The following CTNND2 variants were observed in gnomAD, a reference collection of about 807,000 sequenced individuals.
CTNND2 encodes the protein catenin delta-2.
Under a neutral mutation model 144.4 loss-of-function variants are expected in CTNND2, and 22 were observed. That is an observed-to-expected ratio of 0.15 (90% CI 0.11 to 0.22). The LOEUF is 0.22. Among genes scored for constraint, CTNND2 ranks in the 10% least tolerant of loss-of-function variants. The probability of loss-of-function intolerance (pLI) is 1.00; values close to 1 mark genes in which losing one functional copy is unlikely to be tolerated. For synonymous variants in CTNND2, 751 were observed against 695.6 expected (o/e 1.08, Z -1.25); for missense variants, 1,353 against 1,618.8 (o/e 0.84, Z 2.82).
intron 3 of CTNND2, among the ~76,000 whole-genome samples, chr5:11,538,284 T>C (rs1331148292): frequency 6.6e-6 from 1 of 152,214 alleles, no homozygotes; most frequent in East Asian, 1.9e-4. Flanking sequence ...GAATAAGGTA[T>C]GGGTCTTTGC....
intron 9 of CTNND2, among the ~76,000 whole-genome samples, chr5:11,331,895 T>A (rs1195299242): frequency 1.3e-5 from 2 of 152,186 alleles, no homozygotes; most frequent in African/African-American, 4.8e-5. Flanking sequence ...TATGGTATAT[T>A]TCAAAATAAC....
chr5:11,794,646 G>A (rs1002179541), intron 1 of CTNND2, among the ~76,000 whole-genome samples: 5 of 152,214 alleles, frequency 3.3e-5, no homozygotes, highest in Admixed American at 3.3e-4. Context: ...CAACAGGACT[G>A]TAAGATGATT....
intron 11 of CTNND2, among the ~76,000 whole-genome samples, chr5:11,189,408 C>A (rs888558619): frequency 6.6e-6 from 1 of 152,136 alleles, no homozygotes; most frequent in South Asian, 2.1e-4. Context: ...TCCACTTCTG[C>A]CACCCCTGAG....
At position 11,187,211 on chromosome 5, in the gene CTNND2, T is replaced by C. The variant is rs144938474; in HGVS notation, c.1975+12237A>G. 2.2e-3 allele frequency among the ~76,000 whole-genome samples: 336 copies of C among 152,308 alleles called. 2 individuals are homozygous for C. The highest frequency in any genetic ancestry group is 7.6e-3 in the African/African-American group (315 of 41,578). On this transcript the variant is annotated intron_variant, in intron 11 of 21. Transcript: ENST00000304623. ...AAATGTTAGCAGTCTAATCTTACCA[T>C]AGCACAACTAACTACAACTCCCTTA...
chr5:11,784,755 G>A (rs1790739677), intron 1 of CTNND2, among the ~76,000 whole-genome samples: 1 of 152,166 alleles, frequency 6.6e-6, no homozygotes, highest in Admixed American at 6.5e-5. Flanking sequence ...CCACCAACAG[G>A]AAAGGAATTC....
Position 11,648,725 on chromosome 5 carries a change from T to C in CTNND2, c.174+83411A>G, listed in dbSNP as rs1232943064. 2.0e-5 allele frequency among the ~76,000 whole-genome samples: 3 copies of C among 152,146 alleles called. No homozygotes were observed. The East Asian group carries it at 5.8e-4, about 29-fold the overall frequency. On this transcript the variant is annotated intron_variant, in intron 2 of 21. Coordinates refer to ENST00000304623, the MANE Select transcript of CTNND2 (RefSeq NM_001332.4). ...TCTTCTAGCACCATGGCAAAGAATA[T>C]AGACCCTAGAGCCAGCTGCCTAGAT...
intron 2 of CTNND2, among the ~76,000 whole-genome samples, chr5:11,701,282 C>A (rs1385696230): frequency 2.6e-5 from 4 of 152,168 alleles, no homozygotes; most frequent in Admixed American, 2.0e-4. Context: ...CAGCAAGGGA[C>A]CTTCCATGCA....
At chr5:11,567,522 T>G (rs1268182147) in intron 2 of CTNND2, among the ~76,000 whole-genome samples, 1 of 152,200 alleles carries the variant, frequency 6.6e-6, no homozygotes, top group East Asian at 1.9e-4. Flanking sequence ...TGGATTCTCT[T>G]GCAATTCAAT....
At chr5:10,983,315 G>A (rs1737533323) in intron 20 of CTNND2, among the ~76,000 whole-genome samples, 1 of 152,080 alleles carries the variant, frequency 6.6e-6, no homozygotes, top group African/African-American at 2.4e-5. Flanking sequence ...AAAAAGCTTT[G>A]GAAAATGCTG....
At chr5:11,438,877 C>A (rs1056543060) in intron 3 of CTNND2, among the ~76,000 whole-genome samples, 1 of 152,086 alleles carries the variant, frequency 6.6e-6, no homozygotes, top group Non-Finnish European at 1.5e-5. Context: ...ACATGGCATT[C>A]TCCCCTTCAT....
In CTNND2 at chr5:11,547,124, C is replaced by T. The variant is rs374213109; in HGVS notation, c.287+17820G>A. ...TCTCTACTAAAAATACAAAAATTAGCGGGCATGGTGGCAGGCACCTGTAAT... is the reference window on the plus strand; with the variant it reads ...TCTCTACTAAAAATACAAAAATTAGTGGGCATGGTGGCAGGCACCTGTAAT... On this transcript the variant is annotated intron_variant, in intron 3 of 21. Transcript: ENST00000304623. Among the ~76,000 whole-genome samples, 6 of 151,790 alleles carry T rather than the reference C, an allele frequency of 4.0e-5. No homozygotes were observed. The East Asian group carries it at 7.7e-4, about 20-fold the overall frequency.
chr5:11,832,006 G>A (rs566103005), intron 1 of CTNND2, among the ~76,000 whole-genome samples: 25 of 152,122 alleles, frequency 1.6e-4, no homozygotes, highest in African/African-American at 4.8e-4. Flanking sequence ...AGCTCTGGCC[G>A]GGCACAGTGG....
chr5:11,668,587 A>C (rs2126592467), intron 2 of CTNND2, among the ~76,000 whole-genome samples: 1 of 152,320 alleles, frequency 6.6e-6, no homozygotes, highest in African/African-American at 2.4e-5. Flanking sequence ...GTGTATAGGA[A>C]TGCCTGTGAT....
chr5:11,427,275 C>CTT (rs765824451), intron 3 of CTNND2, among the ~76,000 whole-genome samples: 133 of 120,866 alleles, frequency 1.1e-3, no homozygotes, highest in African/African-American at 1.7e-3. Context: ...TTCCCATATG[C>CTT]TTTTTTTTTT....
chr5:11,614,094 A>G (rs988440976), intron 2 of CTNND2, among the ~76,000 whole-genome samples: 1 of 152,160 alleles, frequency 6.6e-6, no homozygotes, highest in African/African-American at 2.4e-5. Context: ...CATTTTTCCT[A>G]TACTTCTTTT....
At chr5:11,697,304 A>T (rs775924632) in intron 2 of CTNND2, among the ~76,000 whole-genome samples, 1 of 152,148 alleles carries the variant, frequency 6.6e-6, no homozygotes, top group Non-Finnish European at 1.5e-5. Context: ...ACAGTATATA[A>T]AAGTTGGATC....
intron 2 of CTNND2, among the ~76,000 whole-genome samples, chr5:11,685,263 G>A (rs1784596149): frequency 6.6e-6 from 1 of 152,194 alleles, no homozygotes; most frequent in Admixed American, 6.5e-5. Flanking sequence ...AGCTAAGGGA[G>A]TCTTGGAGAA....
chr5:11,790,597 T>C (rs1405082005), intron 1 of CTNND2, among the ~76,000 whole-genome samples: 3 of 152,198 alleles, frequency 2.0e-5, no homozygotes, highest in Non-Finnish European at 4.4e-5. Flanking sequence ...TTTTTCTTGA[T>C]GAATGTGAAT....
At chr5:11,082,996 A>G in intron 15 of CTNND2, 150 bp from the exon 16 acceptor site, 1 of 859,336 alleles carries the variant, frequency 1.2e-6, no homozygotes, top group East Asian at 2.7e-5. Context: ...TACGTTAGAC[A>G]TGCATTTAAA....
Sources: gnomAD v4.1 joint callset for allele counts (sites outside exome capture counted in the v4.1 genomes callset) on GRCh38, gnomAD v4.1.1 for gene constraint, MANE v1.5 for transcripts, NCBI Gene and HGNC (gene_info 2026-07-23, HGNC 2026-07-21) for gene names.